Variants in ZFR observed in about 807,000 individuals in gnomAD.
The protein encoded by ZFR is zinc finger RNA binding protein.
A neutral mutation model predicts 130.7 loss-of-function variants in ZFR; 19 were observed. That is an observed-to-expected ratio of 0.15 (90% CI 0.10 to 0.21). ZFR has a LOEUF of 0.21. Among genes scored for constraint, ZFR ranks in the 10% least tolerant of loss-of-function variants. The pLI is 1.00. For synonymous variants in ZFR, 466 were observed against 456.9 expected, an observed-to-expected ratio of 1.02 and a Z score of -0.25; for missense variants, 872 against 1,321.5, an observed-to-expected ratio of 0.66 and a Z score of 5.27.
chr5:32,441,431 T>C (rs1333024329), intron 2 of ZFR, among the ~76,000 whole-genome samples: 1 of 151,656 alleles, frequency 6.6e-6, no homozygotes, highest in Non-Finnish European at 1.5e-5. Flanking sequence ...AATCCATACA[T>C]AAAGTCCCAC....
At chr5:32,435,611 C>T (rs1754315995) in intron 2 of ZFR, among the ~76,000 whole-genome samples, 1 of 152,150 alleles carries the variant, frequency 6.6e-6, no homozygotes, top group South Asian at 2.1e-4. Context: ...ACTCTTTGCT[C>T]TCATCTACAT....
intron 2 of ZFR, among the ~76,000 whole-genome samples, chr5:32,436,995 C>T (rs1754352003): frequency 6.6e-6 from 1 of 152,154 alleles, no homozygotes; most frequent in Non-Finnish European, 1.5e-5. Flanking sequence ...AGACTGTTTG[C>T]CCAAGGTCAC....
intron 5 of ZFR, among the ~76,000 whole-genome samples, chr5:32,414,299 T>G (rs2111806248): frequency 6.6e-6 from 1 of 152,342 alleles, no homozygotes; most frequent in South Asian, 2.1e-4. Context: ...GCATATCTTC[T>G]GGGAGGAATA....
chr5:32,436,331 T>G (rs1754334725), intron 2 of ZFR, among the ~76,000 whole-genome samples: 1 of 151,640 alleles, frequency 6.6e-6, no homozygotes, highest in Non-Finnish European at 1.5e-5. Context: ...TTTTTTATTT[T>G]TAGTAGACAC....
Position 32,385,596 on chromosome 5 carries a change from T to A in ZFR, c.2553A>T (p.Ile851=), listed in dbSNP as rs753526931. The A allele has an allele frequency of 1.2e-6, 2 of 1,613,528 alleles. No homozygotes were observed. Among genetic ancestry groups the A allele is most frequent in the Non-Finnish European group, 8.5e-7 (1 of 1,179,580 alleles). Residue 851 remains isoleucine (I), a synonymous_variant, in exon 15 of 20, where the codon ATA becomes ATT. Coordinates refer to ENST00000265069, the MANE Select transcript of ZFR (RefSeq NM_016107.5). ...DIKCAVSEAA[I]ILNSCVEPKM... is the part of the protein sequence containing the mutation. ...TGGGTTCCACACATGAATTCAAAAT[T>A]ATTGCCGCTTCAGATACAGCACATT...
At chr5:32,423,107 C>A (rs1040237915) in intron 2 of ZFR, among the ~76,000 whole-genome samples, 15 of 151,968 alleles carry the variant, frequency 9.9e-5, no homozygotes, top group Admixed American at 9.2e-4. Flanking sequence ...CTTTGGGAGG[C>A]CAAGAAGGCT....
chr5:32,378,776 C>T (rs62360821), intron 17 of ZFR, among the ~76,000 whole-genome samples: 40,885 of 151,218 alleles, frequency 0.27, 6,451 homozygotes, highest in Middle Eastern at 0.44. Flanking sequence ...TAAAAAATGT[C>T]CCTGCATAAG....
Position 32,411,706 on chromosome 5 carries a change from T to TGGGGG in ZFR, c.784+3262_784+3263insCCCCC, listed in dbSNP as rs1554073332. 6.0e-4 allele frequency among the ~76,000 whole-genome samples: 10 copies of TGGGGG among 16,680 alleles called. 1 individual carries two copies. The highest frequency in any genetic ancestry group is 5.2e-3 in the South Asian group (2 of 386). The allele number at this position is 16,680 out of a possible 152,430, so 10.9% of individuals were successfully genotyped here. A position where few individuals can be genotyped will look rare whatever the true frequency, so the allele number is the denominator to read the frequency against. On this transcript the variant is annotated intron_variant, in intron 5 of 19. Coordinates refer to ENST00000265069, the MANE Select transcript of ZFR (RefSeq NM_016107.5). ...GCTGTCTCAAAAAAAAAAAAAAAAA[T>TGGGGG]TGAGGGGGGGCGGGGAATAGAAAAT...
rs1261385726 is a variant in ZFR at position 32,355,384 on chromosome 5, T to C, written c.*376A>G. The C allele has an allele frequency of 6.4e-6, 1 of 155,418 alleles. No homozygotes were observed. The highest frequency in any genetic ancestry group is 2.4e-5 in the African/African-American group (1 of 41,564). The allele number at this position is 155,418 out of a possible 1,614,324, so 9.6% of individuals were successfully genotyped here. On this transcript the variant is annotated 3_prime_UTR_variant, in exon 20 of 20. Coordinates refer to ENST00000265069, the MANE Select transcript of ZFR (RefSeq NM_016107.5). ...AGCAAACAAAACCTCTAAATTAAAA[T>C]ATCAAAATACACAGAGCAACTGAAG... is the stretch of plus-strand genomic sequence containing the variant.
intron 6 of ZFR, among the ~76,000 whole-genome samples, chr5:32,405,528 T>C (rs984920029): frequency 6.6e-6 from 1 of 152,120 alleles, no homozygotes; most frequent in African/African-American, 2.4e-5. Context: ...CATGCTGCTG[T>C]TAATCTATCA....
At position 32,406,724 on chromosome 5, in the gene ZFR, T is replaced by C. The variant is rs375957992; in HGVS notation, c.1032+50A>G. ...TAGGCTCAGGAGTTAGAATACCAAC[T>C]ACACTTAATAACCACTGAAGACTCA... On this transcript the variant is annotated intron_variant, in intron 6 of 19. Coordinates refer to ENST00000265069, the MANE Select transcript of ZFR (RefSeq NM_016107.5). 167 of 1,565,894 alleles carry C rather than the reference T, an allele frequency of 1.1e-4. 1 individual carries two copies. Among genetic ancestry groups the C allele is most frequent in the Non-Finnish European group, 1.4e-4 (163 of 1,162,886 alleles).
At chr5:32,421,295 T>G (rs1422292773) in intron 2 of ZFR, among the ~76,000 whole-genome samples, 2 of 151,810 alleles carry the variant, frequency 1.3e-5, no homozygotes, top group African/African-American at 4.8e-5. Flanking sequence ...AGCCAACAAC[T>G]AAGAATAGCT....
chr5:32,432,219 TTTGA>T (rs1362714832), intron 2 of ZFR, among the ~76,000 whole-genome samples: 7 of 152,162 alleles, frequency 4.6e-5, no homozygotes, highest in Non-Finnish European at 1.0e-4. Context: ...TACAGTGAAC[TTTGA>T]TTGCGCCACT....
chr5:32,368,614 G>A (rs1378291524), intron 17 of ZFR, among the ~76,000 whole-genome samples: 1 of 152,126 alleles, frequency 6.6e-6, no homozygotes, highest in Non-Finnish European at 1.5e-5. Flanking sequence ...TACTACATAA[G>A]AAAAGCACAA....
intron 14 of ZFR, 143 bp downstream of exon 14, chr5:32,387,406 C>T (rs1647549688): frequency 2.4e-6 from 2 of 823,272 alleles, no homozygotes; most frequent in South Asian, 1.9e-5. Flanking sequence ...CATCAGTTTG[C>T]ACAATCAAAC....
intron 12 of ZFR, 104 bp from the exon 13 acceptor site, chr5:32,388,778 C>G (rs898327719): frequency 1.9e-5 from 20 of 1,050,516 alleles, no homozygotes; most frequent in Middle Eastern, 2.6e-4. Flanking sequence ...AATAAGAAAG[C>G]CTTTATCTTC....
intron 2 of ZFR, among the ~76,000 whole-genome samples, chr5:32,436,599 T>C (rs1754340881): frequency 6.6e-6 from 1 of 152,212 alleles, no homozygotes; most frequent in African/African-American, 2.4e-5. Flanking sequence ...AGATATAATA[T>C]ATGCCAGATA....
At chr5:32,443,736 G>A (rs987517203) in intron 2 of ZFR, among the ~76,000 whole-genome samples, 1 of 152,264 alleles carries the variant, frequency 6.6e-6, no homozygotes, top group African/African-American at 2.4e-5. Context: ...TCCGGGGGTT[G>A]AAGCACCAGG....
At chr5:32,392,684 C>T (rs997770742) in intron 11 of ZFR, among the ~76,000 whole-genome samples, 10 of 152,092 alleles carry the variant, frequency 6.6e-5, no homozygotes, top group African/African-American at 2.4e-4. Context: ...TTCAGGAGAT[C>T]CATGGGGTCA....
Sources: allele counts gnomAD v4.1 joint callset (sites outside exome capture counted in the v4.1 genomes callset), GRCh38; gene constraint gnomAD v4.1.1; transcripts MANE v1.5; gene names NCBI Gene and HGNC (gene_info 2026-07-23, HGNC 2026-07-21).